STXBP2: variants seen among roughly 807,000 people sequenced by gnomAD.
The protein encoded by STXBP2 is syntaxin-binding protein 2.
A neutral mutation model predicts 72.2 loss-of-function variants in STXBP2; 47 were observed. That is an observed-to-expected ratio of 0.65 (90% CI 0.51 to 0.83). The LOEUF is 0.83. STXBP2 is among the 40% of genes least tolerant of loss of function. STXBP2 has a pLI of 0.00. For synonymous variants in STXBP2, 367 were observed against 338.7 expected (o/e 1.08, Z -0.92); for missense variants, 702 against 807.6 (o/e 0.87, Z 1.58).
chr19:7,634,716 C>G (rs752226587), upstream of STXBP2, among the ~76,000 whole-genome samples: 2 of 152,162 alleles, frequency 1.3e-5, no homozygotes, highest in Admixed American at 1.3e-4. Context: ...GTTCCAGAGG[C>G]CACAGCCTGA....
At chr19:7,639,442 C>T in intron 3 of STXBP2, 1 of 573,444 alleles carries the variant, frequency 1.7e-6, no homozygotes, top group Non-Finnish European at 3.1e-6. Flanking sequence ...TGGGTGACCC[C>T]AGGTGGTGTC....
At chr19:7,640,554 CTG>C (rs34833262) in intron 4 of STXBP2, 175 bp from the exon 5 acceptor site, 30 of 745,654 alleles carry the variant, frequency 4.0e-5, no homozygotes, top group Middle Eastern at 2.3e-4. Context: ...GTGCGTGCAT[CTG>C]TGTGTGTGCG....
At chr19:7,630,727 T>C in the STXBP2 span, 3 of 1,531,994 alleles carry the variant, frequency 2.0e-6, no homozygotes, top group South Asian at 2.4e-5. Context: ...AGCAGTCTGC[T>C]GGGGACTAAT....
intron 4 of STXBP2, chr19:7,640,393 T>A: frequency 1.7e-6 from 1 of 581,810 alleles, no homozygotes; most frequent in Non-Finnish European, 3.2e-6. Context: ...AGTGTCTGCA[T>A]GTGTGTATAT....
intron 18 of STXBP2, 92 bp from the exon 19 acceptor site, chr19:7,647,633 A>C (rs1210127081): frequency 3.6e-5 from 57 of 1,597,578 alleles, no homozygotes; most frequent in Non-Finnish European, 4.8e-5. Context: ...GCTGAGGGAC[A>C]GGGACAGCCC....
In STXBP2 at chr19:7,642,570, C is replaced by A. The variant is rs1204301912; in HGVS notation, c.902+34C>A. On this transcript the variant is annotated intron_variant, in intron 10 of 18. Transcript: ENST00000221283. The surrounding 1 kb of genome is among the most constrained non-coding windows in gnomAD (Gnocchi z 6.0). ...ACACGGGGACCGGATCCCCCCCCCA[C>A]CGCCCACTGTGGGCCTGGTAGCGGC... The A allele has an allele frequency of 6.2e-7, 1 of 1,606,042 alleles. No homozygotes were observed. Among genetic ancestry groups the A allele is most frequent in the African/African-American group, 1.3e-5 (1 of 74,668 alleles).
the STXBP2 span, chr19:7,631,833 G>T: frequency 7.2e-7 from 1 of 1,384,558 alleles, no homozygotes; most frequent in Non-Finnish European, 9.4e-7. Flanking sequence ...GGGTCAGCCA[G>T]GGGGAGGGCT....
chr19:7,640,853 G>C, intron 5 of STXBP2, 44 bp downstream of exon 5: 1 of 1,613,994 alleles, frequency 6.2e-7, no homozygotes, highest in Non-Finnish European at 8.5e-7. Flanking sequence ...GGGCAAGGAG[G>C]TGTGGGGGCT....
chr19:7,644,913 G>T, intron 14 of STXBP2, 161 bp downstream of exon 14: 1 of 1,472,612 alleles, frequency 6.8e-7, no homozygotes, highest in Non-Finnish European at 9.0e-7. Flanking sequence ...TCCTCCATTG[G>T]CTTGGGGATT....
the STXBP2 span, chr19:7,630,363 A>T: frequency 1.4e-5 from 8 of 588,732 alleles, no homozygotes; most frequent in Non-Finnish European, 2.4e-5. Context: ...TCCAGCTCAG[A>T]GGGAACTTTC....
chr19:7,632,339 T>G, upstream of STXBP2: 4 of 1,605,218 alleles, frequency 2.5e-6, no homozygotes, highest in Non-Finnish European at 3.4e-6. This position sits in a 1 kb window ranked among gnomAD's most constrained non-coding sequence, Gnocchi z 5.2. Context: ...GAGGGCAGGA[T>G]CGGAGAGCAC....
rs2146202562 is a variant in STXBP2, at chr19:7,637,158, C to G, written c.9C>G (p.Pro3=). 2.4e-6 allele frequency: 3 copies of G among 1,242,204 alleles called. No homozygotes were observed. The highest frequency in any genetic ancestry group is 3.0e-6 in the Non-Finnish European group (3 of 988,228). 76.9% of individuals were successfully genotyped at this position (1,242,204 alleles called of 1,614,324 possible). The stretch of plus-strand genomic sequence containing the variant: ...GGCGCCCCTCGGGGAAGATGGCGCC[C>G]TCGGGGCTGAAGGCGGTGGTGGGGG... MA[P]SGLKAVVGEK... is the part of the protein sequence containing the mutation. Residue 3 remains proline, a synonymous_variant, in exon 1 of 19, where the codon CCC becomes CCG. Coordinates refer to ENST00000221283, the MANE Select transcript of STXBP2 (RefSeq NM_006949.4).
At chr19:7,631,857 G>C in the STXBP2 span, 3 of 1,369,024 alleles carry the variant, frequency 2.2e-6, no homozygotes, top group Non-Finnish European at 2.8e-6. Context: ...GGGCAGTGCC[G>C]GCCACAGGTG....
In STXBP2 at chr19:7,640,784, AGCG is replaced by A. The variant is rs2031838027; in HGVS notation, c.303_305del (p.Ala102del). ...AGGGGACCCCGACTTTCACCTACAA[AGCG>A]GCCCATATCTTCTTCACCGACAGTG... On this transcript the variant is annotated inframe_deletion, in exon 5 of 19. Transcript: ENST00000221283. 6.2e-7 allele frequency: 1 copy of A among 1,614,138 alleles called. No individual in the cohort carries two copies. The highest frequency in any genetic ancestry group is 2.2e-5 in the East Asian group (1 of 44,884).
At chr19:7,640,075 T>G (rs1568464629) in intron 4 of STXBP2, 3 of 633,346 alleles carry the variant, frequency 4.7e-6, no homozygotes, top group Non-Finnish European at 8.8e-6. Context: ...TATGCGTGTG[T>G]GTCTGTGGGT....
chr19:7,631,767 G>A, the STXBP2 span: 1 of 1,426,636 alleles, frequency 7.0e-7, no homozygotes, highest in East Asian at 2.6e-5. Flanking sequence ...GGGTGAGCAG[G>A]GGTTGGGGAC....
Position 7,640,575 on chromosome 19 carries a change from C to A in STXBP2, c.247-156C>A, listed in dbSNP as rs78291924. On this transcript the variant is annotated intron_variant, in intron 4 of 18. Coordinates refer to ENST00000221283, the MANE Select transcript of STXBP2 (RefSeq NM_006949.4). ...GCATCTGTGTGTGTGCGCGTGTGCC[C>A]ATGTGGGTGCGACACTAGTGTGCAT... 2,306 of 879,472 alleles carry A rather than the reference C, an allele frequency of 2.6e-3. 35 individuals are homozygous for A. In the African/African-American group the frequency reaches 0.03, roughly 11 times the overall value. 54.5% of individuals were successfully genotyped at this position (879,472 alleles called of 1,614,324 possible).
At position 7,637,110 on chromosome 19, in the gene STXBP2, G is replaced by A; in HGVS notation, c.-40G>A. ...ACGCGCGGGGCCACGCCCCCACCTT[G>A]GGACACACCCGGAAGCGGCGGCGGC... is the stretch of plus-strand genomic sequence containing the variant. On this transcript the variant is annotated 5_prime_UTR_variant, in exon 1 of 19. Transcript: ENST00000221283. The A allele has an allele frequency of 8.1e-7, 1 of 1,238,290 alleles. No homozygotes were observed. The highest frequency in any genetic ancestry group is 1.0e-6 in the Non-Finnish European group (1 of 987,946). The allele number at this position is 1,238,290 out of a possible 1,614,324, so 76.7% of individuals were successfully genotyped here. A position where few individuals can be genotyped will look rare whatever the true frequency, so the allele number is the denominator to read the frequency against.
At chr19:7,632,545 GAC>G, upstream of STXBP2, 1 of 1,609,872 alleles carries the variant, frequency 6.2e-7, no homozygotes, top group Non-Finnish European at 8.5e-7. The surrounding 1 kb of genome is among the most constrained non-coding windows in gnomAD (Gnocchi z 5.2). Flanking sequence ...GACTTGGGAG[GAC>G]ACAGCCGGAG....
Sources: allele counts gnomAD v4.1 joint callset (sites outside exome capture counted in the v4.1 genomes callset), GRCh38; gene constraint gnomAD v4.1.1; non-coding constraint Gnocchi (gnomAD v3.1); transcripts MANE v1.5; gene names NCBI Gene and HGNC (gene_info 2026-07-23, HGNC 2026-07-21).